DNAH14: variants seen among roughly 807,000 people sequenced by gnomAD.
DNAH14 encodes the protein axonemal beta dynein heavy chain 14.
Under a neutral mutation model 520.9 loss-of-function variants are expected in DNAH14, and 478 were observed. The ratio of observed to expected loss-of-function variants is 0.92; its 90% CI spans 0.85 to 0.99. The LOEUF is 0.99. Ranked by LOEUF, DNAH14 falls within the 50% of genes least tolerant of loss-of-function variation. The probability of loss-of-function intolerance (pLI) is 0.00; values close to 1 mark genes in which losing one functional copy is unlikely to be tolerated. For missense variants in DNAH14, 4,831 were observed against 5,234.5 expected (o/e 0.92, Z 2.38); for synonymous variants, 1,581 against 1,757.2 (o/e 0.90, Z 2.51).
intron 66 of DNAH14, among the ~76,000 whole-genome samples, chr1:225,335,079 A>C (rs1051345447): frequency 1.3e-5 from 2 of 149,048 alleles, no homozygotes; most frequent in Non-Finnish European, 3.0e-5. Context: ...TATAACGTAC[A>C]TATGTACATA....
At chr1:225,219,124 C>G (rs1316504336) in intron 41 of DNAH14, among the ~76,000 whole-genome samples, 1 of 152,040 alleles carries the variant, frequency 6.6e-6, no homozygotes, top group Non-Finnish European at 1.5e-5. Flanking sequence ...TGAATGAGAA[C>G]AAAGACACAG....
Position 225,036,874 on chromosome 1 carries a change from A to G in DNAH14, c.1359-1820A>G, listed in dbSNP as rs556978419. 1.4e-4 allele frequency among the ~76,000 whole-genome samples: 21 copies of G among 152,044 alleles called. No individual in the cohort carries two copies. In the South Asian group the frequency reaches 2.9e-3, roughly 21 times the overall value. ...AGATGACAGTGCTCCTGCTCTGTCA[A>G]TAATACTTGCTTTTTATATCTGTGT... On this transcript the variant is annotated intron_variant, in intron 11 of 85. Coordinates refer to ENST00000682510, the MANE Select transcript of DNAH14 (RefSeq NM_001367479.1).
chr1:225,058,959 T>C (rs2069572116), intron 17 of DNAH14, among the ~76,000 whole-genome samples: 2 of 152,188 alleles, frequency 1.3e-5, no homozygotes, highest in Admixed American at 1.3e-4. Context: ...AACTATGTGG[T>C]CAATTTTTGA....
intron 11 of DNAH14, among the ~76,000 whole-genome samples, chr1:225,035,282 A>G (rs2066867772): frequency 9.7e-6 from 1 of 103,470 alleles, no homozygotes; most frequent in African/African-American, 2.8e-5. Flanking sequence ...CTCTGATTTT[A>G]TTTATTTGGG....
chr1:225,194,297 T>A (rs2085832258), intron 38 of DNAH14, among the ~76,000 whole-genome samples: 1 of 152,064 alleles, frequency 6.6e-6, no homozygotes, highest in African/African-American at 2.4e-5. Flanking sequence ...CAAAACAACA[T>A]GATACTTATA....
intron 2 of DNAH14, 74 bp from the exon 3 acceptor site, chr1:224,954,884 AT>A: frequency 8.4e-7 from 1 of 1,191,390 alleles, no homozygotes; most frequent in Non-Finnish European, 1.2e-6. Context: ...AATTTTGGTA[AT>A]ATGCTAATAG....
rs971383785 is a variant in DNAH14, at chr1:225,079,317, A to C, written c.2535A>C (p.Glu845Asp). ...NAISSKISKL[E>D]KEFLTMSQLY... ...TTTCCTCAAAAATATCTAAATTAGA[A>C]AAAGAGTTCTTAACAATGTCTCAGC... The change falls in exon 18 of 86, where the codon GAA (glutamate) becomes GAC (aspartate). Residue 845 changes from glutamate (E) to aspartate (D), a missense_variant. Physicochemically the swap from Glu to Asp is conservative, Grantham distance 45 (BLOSUM62 2). Coordinates refer to ENST00000682510, the MANE Select transcript of DNAH14 (RefSeq NM_001367479.1). The C allele has an allele frequency of 6.5e-6, 10 of 1,549,982 alleles. No homozygotes were observed. In the African/African-American group the frequency reaches 1.4e-4, roughly 21 times the overall value.
At chr1:225,276,511 A>G (rs924874685) in intron 53 of DNAH14, among the ~76,000 whole-genome samples, 2 of 152,188 alleles carry the variant, frequency 1.3e-5, no homozygotes, top group Non-Finnish European at 2.9e-5. Context: ...ATGTGTTGGA[A>G]CAGAGACACC....
At chr1:225,193,622 C>T (rs368522804) in intron 38 of DNAH14, among the ~76,000 whole-genome samples, 6 of 152,166 alleles carry the variant, frequency 3.9e-5, no homozygotes, top group East Asian at 3.9e-4. Flanking sequence ...TGGAAGCATT[C>T]CCCTTGAGAA....
At chr1:225,163,810 G>T (rs551153258) in intron 35 of DNAH14, among the ~76,000 whole-genome samples, 35 of 152,226 alleles carry the variant, frequency 2.3e-4, no homozygotes, top group South Asian at 6.2e-4. Context: ...TTGGCCTATA[G>T]TCTTCTTTTT....
chr1:225,147,839 C>T lies in DNAH14; in HGVS notation c.4940+590C>T, dbSNP rs182241477. On this transcript the variant is annotated intron_variant, in intron 31 of 85. Transcript: ENST00000682510. Reference sequence around the variant, plus strand: ...TATCAGTTGTTCCTCACTATAAGTCCATGTGTTCTCATCACTTAGCTCCCA... The same window carrying T: ...TATCAGTTGTTCCTCACTATAAGTCTATGTGTTCTCATCACTTAGCTCCCA... Among the ~76,000 whole-genome samples, 592 of 152,226 alleles carry T rather than the reference C, an allele frequency of 3.9e-3. 3 individuals carry two copies. Among genetic ancestry groups the T allele is most frequent in the African/African-American group, 0.013 (556 of 41,524 alleles).
At chr1:225,129,399 G>T (rs868478758) in intron 27 of DNAH14, among the ~76,000 whole-genome samples, 1 of 150,122 alleles carries the variant, frequency 6.7e-6, no homozygotes, top group South Asian at 2.1e-4. Flanking sequence ...GAGGCATCAC[G>T]CTACCTGACT....
intron 6 of DNAH14, 110 bp from the exon 7 acceptor site, chr1:224,968,649 G>C (rs906193704): frequency 4.4e-6 from 3 of 684,468 alleles, no homozygotes; most frequent in Non-Finnish European, 4.6e-6. Flanking sequence ...TAATTATAAA[G>C]GCAAGAAGTT....
chr1:225,288,059 A>G (rs1299850032), intron 54 of DNAH14, among the ~76,000 whole-genome samples: 1 of 152,158 alleles, frequency 6.6e-6, no homozygotes, highest in Non-Finnish European at 1.5e-5. Context: ...GTCTACCCTC[A>G]AGAAGCTGGG....
chr1:225,199,780 T>G (rs1174172030), intron 38 of DNAH14, among the ~76,000 whole-genome samples: 2 of 152,180 alleles, frequency 1.3e-5, no homozygotes, highest in Non-Finnish European at 2.9e-5. Flanking sequence ...TGGAGAAATT[T>G]CCATGCACTG....
At chr1:224,967,214 G>A (rs1420202891) in intron 5 of DNAH14, among the ~76,000 whole-genome samples, 2 of 151,912 alleles carry the variant, frequency 1.3e-5, no homozygotes, top group African/African-American at 2.4e-5. Flanking sequence ...CTTTTTTAAG[G>A]ATGAAAATTA....
chr1:224,991,689 T>C (rs1047019704), intron 8 of DNAH14, among the ~76,000 whole-genome samples: 9 of 152,142 alleles, frequency 5.9e-5, no homozygotes, highest in Admixed American at 1.3e-4. Flanking sequence ...GAGACGGGTA[T>C]CTATATGCTC....
At chr1:225,219,106 T>TCA (rs1452041547) in intron 41 of DNAH14, among the ~76,000 whole-genome samples, 1 of 150,682 alleles carries the variant, frequency 6.6e-6, no homozygotes, top group Non-Finnish European at 1.5e-5. Flanking sequence ...ATGACTAAGT[T>TCA]TTTAAAATGA....
At chr1:224,970,992 A>T (rs2061473223) in intron 7 of DNAH14, among the ~76,000 whole-genome samples, 1 of 152,230 alleles carries the variant, frequency 6.6e-6, no homozygotes, top group Non-Finnish European at 1.5e-5. Flanking sequence ...AATAGAAAAC[A>T]TGCAAATAGG....
Sources: gnomAD v4.1 joint callset for allele counts (sites outside exome capture counted in the v4.1 genomes callset) on GRCh38, gnomAD v4.1.1 for gene constraint, MANE v1.5 for transcripts, NCBI Gene and HGNC (gene_info 2026-07-23, HGNC 2026-07-21) for gene names.